Variants in CARD10 observed in about 807,000 individuals in gnomAD.
CARD10 encodes the protein caspase recruitment domain family member 10.
Under a neutral mutation model 114.6 loss-of-function variants are expected in CARD10, and 49 were observed. That is an observed-to-expected ratio of 0.43 (90% CI 0.34 to 0.54). The LOEUF is 0.54. Among genes scored for constraint, CARD10 ranks in the 20% least tolerant of loss-of-function variants. CARD10 has a pLI of 0.03. For missense variants in CARD10, 1,206 were observed against 1,397.2 expected, an observed-to-expected ratio of 0.86 and a Z score of 2.18; for synonymous variants, 602 against 593.2, an observed-to-expected ratio of 1.01 and a Z score of -0.21.
intron 3 of CARD10, among the ~76,000 whole-genome samples, chr22:37,511,610 C>T (rs190391715): frequency 6.7e-6 from 1 of 150,336 alleles, no homozygotes; most frequent in African/African-American, 2.5e-5. Context: ...CAAGTCATGG[C>T]CCCTCTCTGT....
At chr22:37,491,976 G>A (rs1441207701) in intron 18 of CARD10, 109 bp from the exon 19 acceptor site, 1 of 732,054 alleles carries the variant, frequency 1.4e-6, no homozygotes, top group South Asian at 1.5e-5. Context: ...TGCAAGTCCT[G>A]CCTCCCCACC....
In CARD10 at chr22:37,496,352, G is replaced by A; in HGVS notation, c.2059+97C>T. 2 of 849,046 alleles carry A rather than the reference G, an allele frequency of 2.4e-6. No individual in the cohort carries two copies. Among genetic ancestry groups the A allele is most frequent in the South Asian group, 1.7e-5 (1 of 60,306 alleles). 52.6% of individuals were successfully genotyped at this position (849,046 alleles called of 1,614,324 possible). A position where few individuals can be genotyped will look rare whatever the true frequency, so the allele number is the denominator to read the frequency against. Reference sequence around the variant, plus strand: ...GGAGAAGGGCAATTGGGGCAAGGCTGGTCCCTTCTCAGGTCCTTGGTCCCT... The same window carrying A: ...GGAGAAGGGCAATTGGGGCAAGGCTAGTCCCTTCTCAGGTCCTTGGTCCCT... On this transcript the variant is annotated intron_variant, in intron 13 of 19. Transcript: ENST00000251973. The surrounding 1 kb of genome is among the most constrained non-coding windows in gnomAD (Gnocchi z 4.1).
At chr22:37,518,850 T>G in intron 1 of CARD10, 116 bp downstream of exon 1, 7 of 1,281,732 alleles carry the variant, frequency 5.5e-6, no homozygotes, top group Non-Finnish European at 6.2e-6. Context: ...ACTCTACTGA[T>G]GCGGAGACCG....
At chr22:37,516,364 T>C (rs1923847081) in intron 2 of CARD10, 66 bp from the exon 3 acceptor site, 1 of 1,213,356 alleles carries the variant, frequency 8.2e-7, no homozygotes, top group Non-Finnish European at 1.1e-6. Flanking sequence ...GATAACATAC[T>C]GTGTCAAAAA....
intron 19 of CARD10, 81 bp downstream of exon 19, chr22:37,491,657 AGGGGGAGGGAGAGAGAG>A (rs1231454382): frequency 1.3e-5 from 3 of 233,778 alleles, no homozygotes; most frequent in Non-Finnish European, 1.5e-5. Flanking sequence ...AGGGAGAAAG[AGGGGGAGGGAGAGAGAG>A]GGGGGAGGGA....
At chr22:37,499,066 T>C (rs764132510) in intron 11 of CARD10, among the ~76,000 whole-genome samples, 17 of 152,120 alleles carry the variant, frequency 1.1e-4, no homozygotes, top group Non-Finnish European at 2.2e-4. Context: ...AGTACAATGC[T>C]ATCCCCCACC....
Position 37,510,064 on chromosome 22 carries a change from C to T in CARD10, c.909+148G>A, listed in dbSNP as rs977125308. On this transcript the variant is annotated intron_variant, in intron 4 of 19. Transcript: ENST00000251973. ...GCAGGCCCTCCTGAGCCCCGCTACC[C>T]AGCCTGTGCCCAGAAGCCCTGGCCC... 10 of 655,386 alleles carry T rather than the reference C, an allele frequency of 1.5e-5. 1 individual carries two copies. The East Asian group carries it at 3.2e-4, about 21-fold the overall frequency. The allele number at this position is 655,386 out of a possible 1,614,324, so 40.6% of individuals were successfully genotyped here.
intron 16 of CARD10, among the ~76,000 whole-genome samples, chr22:37,493,069 C>T (rs1922865554): frequency 6.6e-6 from 1 of 152,274 alleles, no homozygotes; most frequent in Non-Finnish European, 1.5e-5. Flanking sequence ...ATGTTAACTC[C>T]CCTGCTTTCA....
In CARD10 at chr22:37,508,563, CT is replaced by C. The variant is rs1569166079; in HGVS notation, c.1028del (p.Gln343ArgfsTer92). On this transcript the variant is annotated frameshift_variant, in exon 5 of 20. Coordinates refer to ENST00000251973, the MANE Select transcript of CARD10 (RefSeq NM_014550.4). LOFTEE classifies it high-confidence loss of function. ...GCTCCTCGGCCCACTGCAGCTCCCC[CT>C]GCACGGCATGCAGCTTCTGGCACAG... ...QELCQKLHAV[Q>X]GELQWAEELR... is the part of the protein sequence containing the mutation. 1 of 1,598,264 alleles carries C rather than the reference CT, an allele frequency of 6.3e-7. No homozygotes were observed. Among genetic ancestry groups the C allele is most frequent in the Non-Finnish European group, 8.5e-7 (1 of 1,178,286 alleles).
At position 37,497,163 on chromosome 22, in the gene CARD10, C is replaced by A; in HGVS notation, c.1803G>T (p.Arg601=). 6.2e-7 allele frequency: 1 copy of A among 1,613,336 alleles called. No homozygotes were observed. The highest frequency in any genetic ancestry group is 8.5e-7 in the Non-Finnish European group (1 of 1,179,720). The change falls in exon 12 of 20, where the codon CGG becomes CGT. Residue 601 remains arginine, a synonymous_variant. Transcript: ENST00000251973. ...CCCCTGGGGGGCTCCGGCCAGACACCCGAATAGCCAGAGACCTGAGAAGGG... is the reference window on the plus strand; with the variant it reads ...CCCCTGGGGGGCTCCGGCCAGACACACGAATAGCCAGAGACCTGAGAAGGG... The part of the protein sequence containing the change: ...LDFLNRSLAI[R]VSGRSPPGGP...
intron 11 of CARD10, among the ~76,000 whole-genome samples, chr22:37,499,325 A>G (rs527467609): frequency 6.2e-4 from 95 of 152,178 alleles, no homozygotes; most frequent in African/African-American, 2.0e-3. Flanking sequence ...CCCAGGAGAC[A>G]CTAAGTGCTC....
intron 3 of CARD10, among the ~76,000 whole-genome samples, chr22:37,512,514 CA>C (rs1923698132): frequency 6.8e-6 from 1 of 146,180 alleles, no homozygotes; most frequent in Non-Finnish European, 1.5e-5. Context: ...CACACACACA[CA>C]CACACGGGTC....
intron 2 of CARD10, among the ~76,000 whole-genome samples, chr22:37,517,540 G>A (rs1250582674): frequency 6.6e-6 from 1 of 152,146 alleles, no homozygotes; most frequent in African/African-American, 2.4e-5. Flanking sequence ...TACTCGGGAG[G>A]CTGAGGCAGG....
chr22:37,502,688 A>C lies in CARD10; in HGVS notation c.1701T>G (p.Ser567=). Residue 567 remains serine, a synonymous_variant, in exon 11 of 20, where the codon TCT becomes TCG. Transcript: ENST00000251973. The part of the protein sequence containing the change: ...VTLKPWSPGL[S]SSSSSDSVWP... Reference sequence around the variant, plus strand: ...ACACGCTGTCAGAGGATGAGGACGAAGAGAGGCCAGGGGACCAGGGCTTAA... The same window carrying C: ...ACACGCTGTCAGAGGATGAGGACGACGAGAGGCCAGGGGACCAGGGCTTAA... 1 of 1,613,812 alleles carries C rather than the reference A, an allele frequency of 6.2e-7. No homozygotes were observed. Among genetic ancestry groups the C allele is most frequent in the Non-Finnish European group, 8.5e-7 (1 of 1,179,920 alleles).
intron 7 of CARD10, 83 bp downstream of exon 7, chr22:37,506,109 C>G: frequency 8.9e-7 from 1 of 1,121,538 alleles, no homozygotes; most frequent in South Asian, 2.1e-5. Flanking sequence ...CCACCAGGGC[C>G]GGCACGTTCC....
intron 4 of CARD10, among the ~76,000 whole-genome samples, chr22:37,509,430 G>A (rs974271014): frequency 3.3e-5 from 5 of 152,108 alleles, no homozygotes; most frequent in Admixed American, 6.5e-5. Flanking sequence ...GGACAGCCAC[G>A]TGCTAAGGGC....
At position 37,510,366 on chromosome 22, in the gene CARD10, C is replaced by T. The variant is rs1177053530; in HGVS notation, c.755G>A (p.Arg252Gln). The T allele has an allele frequency of 1.9e-6, 3 of 1,613,382 alleles. No homozygotes were observed. The highest frequency in any genetic ancestry group is 2.2e-5 in the East Asian group (1 of 44,880). Residue 252 changes from arginine to glutamine, a missense_variant, in exon 4 of 20, where the codon CGA (arginine) becomes CAA (glutamine). Around this residue, in one of 2 missense-constraint regions of CARD10, gnomAD observed 1,068 missense variants for 1,179.1 expected, o/e 0.91. Coordinates refer to ENST00000251973, the MANE Select transcript of CARD10 (RefSeq NM_014550.4). The part of the protein sequence containing the change: ...SRLEEECALL[R>Q]RARGPPPGAE... ...CCCAGGGGGCGGGCCCCTGGCCCTT[C>T]GAAGCAGTGCACACTCTTCCTCCAG...
Position 37,504,765 on chromosome 22 carries a change from C to G in CARD10, c.1388G>C (p.Cys463Ser). Residue 463 changes from cysteine to serine, a missense_variant, in exon 8 of 20, where the codon TGT becomes TCT. Physicochemically the swap from Cys to Ser is moderately radical, Grantham distance 112 (BLOSUM62 -1). Transcript: ENST00000251973. ...GGAGCACAGGGAATGGGAGGAGGCA[C>G]AGGCCTGGAAGAGGGAGAGGAGAGG... ...RAQGGTCLKA[C>S]ASSHSLCSNL... 6.5e-7 allele frequency: 1 copy of G among 1,538,482 alleles called. No individual in the cohort carries two copies. The highest frequency in any genetic ancestry group is 8.7e-7 in the Non-Finnish European group (1 of 1,144,660).
intron 5 of CARD10, 124 bp downstream of exon 5, chr22:37,508,403 A>G: frequency 8.9e-7 from 1 of 1,119,460 alleles, no homozygotes; most frequent in South Asian, 1.7e-5. Flanking sequence ...TCAACATCTG[A>G]GAACAAATGA....
Sources: gnomAD v4.1 joint callset for allele counts (sites outside exome capture counted in the v4.1 genomes callset) on GRCh38, gnomAD v4.1.1 for gene constraint, gnomAD v4.1.1 regional missense constraint, Gnocchi (gnomAD v3.1) non-coding constraint, MANE v1.5 for transcripts, NCBI Gene and HGNC (gene_info 2026-07-23, HGNC 2026-07-21) for gene names.